Variants in KCNK1 observed in about 807,000 individuals in gnomAD.
KCNK1 encodes the protein potassium channel subfamily K member 1.
KCNK1 carries 10 observed loss-of-function variants against 22.2 expected under a neutral mutation model. That is an observed-to-expected ratio of 0.45 (90% CI 0.28 to 0.76). KCNK1 has a LOEUF of 0.76. Among genes scored for constraint, KCNK1 ranks in the 30% least tolerant of loss-of-function variants. The pLI is 0.14. For missense variants in KCNK1, 378 were observed against 421.0 expected, an observed-to-expected ratio of 0.90 and a Z score of 0.89; for synonymous variants, 200 against 186.4, an observed-to-expected ratio of 1.07 and a Z score of -0.60.
At chr1:233,662,238 CCTT>C (rs147341553) in intron 1 of KCNK1, among the ~76,000 whole-genome samples, 43,491 of 149,340 alleles carry the variant, frequency 0.29, 6,398 homozygotes, top group Admixed American at 0.34. Context: ...TTCTTCTTCT[CCTT>C]CTTCTTCTTC....
intron 1 of KCNK1, among the ~76,000 whole-genome samples, chr1:233,653,264 C>T (rs1438273278): frequency 1.3e-5 from 2 of 152,178 alleles, no homozygotes; most frequent in Non-Finnish European, 2.9e-5. Flanking sequence ...TCCCTAGGTG[C>T]CCCCACAGCA....
intron 1 of KCNK1, among the ~76,000 whole-genome samples, chr1:233,618,277 A>G (rs1290854945): frequency 1.3e-5 from 2 of 152,202 alleles, no homozygotes; most frequent in Non-Finnish European, 2.9e-5. Flanking sequence ...TATGAGAATG[A>G]GTGAAACACT....
rs118043131 is a variant in KCNK1, at chr1:233,623,605, T to C, written c.355+9079T>C. Among the ~76,000 whole-genome samples, 988 of 152,362 alleles carry C rather than the reference T, an allele frequency of 6.5e-3. 35 individuals are homozygous for C. The East Asian group carries it at 0.1, about 16-fold the overall frequency. The stretch of plus-strand genomic sequence containing the variant: ...GAAAGAAACCTTTTGTTTTTTGTTA[T>C]TGAGACGGAGTCTCGCTCTGTCACC... On this transcript the variant is annotated intron_variant, in intron 1 of 2. Transcript: ENST00000366621.
chr1:233,650,260 G>C (rs1027902680), intron 1 of KCNK1, among the ~76,000 whole-genome samples: 3 of 152,186 alleles, frequency 2.0e-5, no homozygotes, highest in Non-Finnish European at 4.4e-5. Flanking sequence ...TTCTGTTGGG[G>C]AGTCATTGTA....
rs774111991 is a variant in KCNK1, at chr1:233,666,807, G to C, written c.568G>C (p.Val190Leu). 1.2e-6 allele frequency: 2 copies of C among 1,614,224 alleles called. No homozygotes were observed. The highest frequency in any genetic ancestry group is 1.1e-5 in the South Asian group (1 of 91,086). ...CGTCCATGCCGTGCTCCTTGGGTTT[G>C]TCACTGTGTCCTGCTTCTTCTTCAT... ...AIVHAVLLGF[V>L]TVSCFFFIPA... Residue 190 changes from valine (V) to leucine (L), a missense_variant, in exon 2 of 3, where the codon GTC (valine) becomes CTC (leucine). Transcript: ENST00000366621.
rs1319870836 is a variant in KCNK1, at chr1:233,619,419, G to A, written c.355+4893G>A. 2.0e-5 allele frequency among the ~76,000 whole-genome samples: 3 copies of A among 152,184 alleles called. No homozygotes were observed. In the East Asian group the frequency reaches 5.8e-4, roughly 29 times the overall value. On this transcript the variant is annotated intron_variant, in intron 1 of 2. Coordinates refer to ENST00000366621, the MANE Select transcript of KCNK1 (RefSeq NM_002245.4). ...ATTGAAACTCTAGTTAAAGTGTTCA[G>A]TAAGTGAACTTAATTGGGCTTGGTG...
At chr1:233,628,357 A>G (rs1657725352) in intron 1 of KCNK1, among the ~76,000 whole-genome samples, 1 of 152,234 alleles carries the variant, frequency 6.6e-6, no homozygotes, top group African/African-American at 2.4e-5. Flanking sequence ...TATGTTCACT[A>G]TTTGAGTGAT....
At position 233,666,869 on chromosome 1, in the gene KCNK1, G is replaced by C. The variant is rs1658499826; in HGVS notation, c.630G>C (p.Trp210Cys). 1 of 1,614,000 alleles carries C rather than the reference G, an allele frequency of 6.2e-7. No homozygotes were observed. Among genetic ancestry groups the C allele is most frequent in the Non-Finnish European group, 8.5e-7 (1 of 1,180,038 alleles). The change falls in exon 2 of 3, where the codon TGG (tryptophan) becomes TGC (cysteine). Residue 210 changes from tryptophan to cysteine, a missense_variant. Physicochemically the swap from Trp to Cys is radical, Grantham distance 215. Transcript: ENST00000366621. ...TCTTCTCAGTCCTGGAGGATGACTG[G>C]AACTTCCTGGAATCCTTTTATTTTT... The part of the protein sequence containing the change: ...AAVFSVLEDD[W>C]NFLESFYFCF...
intron 1 of KCNK1, among the ~76,000 whole-genome samples, chr1:233,665,628 C>G (rs1358853314): frequency 1.4e-5 from 2 of 145,260 alleles, no homozygotes. Flanking sequence ...CCAAAGAATC[C>G]CCTGGTCGGG....
At chr1:233,669,684 TA>T (rs1416929883) in intron 2 of KCNK1, among the ~76,000 whole-genome samples, 13 of 152,066 alleles carry the variant, frequency 8.5e-5, no homozygotes, top group Non-Finnish European at 1.9e-4. Flanking sequence ...CCATCTCTAC[TA>T]AAAATACAAA....
Position 233,666,883 on chromosome 1 carries a change from C to T in KCNK1, c.644C>T (p.Ser215Phe). 1 of 1,614,086 alleles carries T rather than the reference C, an allele frequency of 6.2e-7. No homozygotes were observed. The highest frequency in any genetic ancestry group is 8.5e-7 in the Non-Finnish European group (1 of 1,180,012). Residue 215 changes from serine (S) to phenylalanine (F), a missense_variant, in exon 2 of 3, where the codon TCC becomes TTC. Transcript: ENST00000366621. ...VLEDDWNFLESFYFCFISLST... is the reference protein window; with the variant it reads ...VLEDDWNFLEFFYFCFISLST... ...GAGGATGACTGGAACTTCCTGGAAT[C>T]CTTTTATTTTTGTTTTATTTCCCTG... is the stretch of plus-strand genomic sequence containing the variant.
intron 1 of KCNK1, among the ~76,000 whole-genome samples, chr1:233,619,583 G>A (rs777390363): frequency 6.6e-6 from 1 of 152,050 alleles, no homozygotes; most frequent in Non-Finnish European, 1.5e-5. Flanking sequence ...CAAATGTGTT[G>A]TTACCATCAA....
intron 1 of KCNK1, among the ~76,000 whole-genome samples, chr1:233,634,723 A>T (rs1339236113): frequency 6.6e-6 from 1 of 152,206 alleles, no homozygotes; most frequent in South Asian, 2.1e-4. Flanking sequence ...TCACTAGGGA[A>T]ACTTCTGTTG....
chr1:233,639,196 C>A (rs1657962953), intron 1 of KCNK1, among the ~76,000 whole-genome samples: 1 of 152,186 alleles, frequency 6.6e-6, no homozygotes, highest in Admixed American at 6.5e-5. Context: ...ACTTGTTCTC[C>A]TTTTTCTTTC....
rs1216151747 is a variant in KCNK1 at position 233,614,291 on chromosome 1, C to T, written c.120C>T (p.Val40=). ...TCTACCTGGTCTTCGGCGCAGTGGT[C>T]TTCTCCTCGGTGGAGCTGCCCTATG... ...YLLYLVFGAV[V]FSSVELPYED... The change falls in exon 1 of 3, where the codon GTC becomes GTT. Residue 40 remains valine (V), a synonymous_variant. Coordinates refer to ENST00000366621, the MANE Select transcript of KCNK1 (RefSeq NM_002245.4). 6.2e-7 allele frequency: 1 copy of T among 1,613,248 alleles called. No homozygotes were observed. Among genetic ancestry groups the T allele is most frequent in the African/African-American group, 1.3e-5 (1 of 74,924 alleles).
intron 1 of KCNK1, among the ~76,000 whole-genome samples, chr1:233,640,788 T>C (rs1269381905): frequency 2.0e-5 from 3 of 152,150 alleles, no homozygotes; most frequent in Non-Finnish European, 4.4e-5. Flanking sequence ...CACTACAGCC[T>C]CCACCTCCCA....
intron 1 of KCNK1, among the ~76,000 whole-genome samples, chr1:233,615,457 G>A (rs1657471390): frequency 6.6e-6 from 1 of 152,204 alleles, no homozygotes; most frequent in South Asian, 2.1e-4. Flanking sequence ...GACCTAGTAA[G>A]GCACATACCC....
intron 1 of KCNK1, among the ~76,000 whole-genome samples, chr1:233,643,352 G>A (rs1235495528): frequency 6.6e-6 from 1 of 152,108 alleles, no homozygotes; most frequent in Admixed American, 6.5e-5. Context: ...GGGCATGTTC[G>A]GGGTGAGCAG....
At chr1:233,661,427 G>A (rs530664160) in intron 1 of KCNK1, among the ~76,000 whole-genome samples, 5 of 152,238 alleles carry the variant, frequency 3.3e-5, no homozygotes, top group Admixed American at 2.0e-4. Flanking sequence ...AGCAAGAAAC[G>A]ATTCATGAAT....
Sources: gnomAD v4.1 joint callset for allele counts (sites outside exome capture counted in the v4.1 genomes callset) on GRCh38, gnomAD v4.1.1 for gene constraint, MANE v1.5 for transcripts, NCBI Gene and HGNC (gene_info 2026-07-23, HGNC 2026-07-21) for gene names.